CNTN5: variants seen among roughly 807,000 people sequenced by gnomAD.
CNTN5 encodes contactin 5, also known as contactin-5.
In CNTN5, 77 loss-of-function variants were observed where a neutral mutation model predicts 129.1. That is an observed-to-expected ratio of 0.60 (90% CI 0.50 to 0.72). The LOEUF is 0.72. Among genes scored for constraint, CNTN5 ranks in the 30% least tolerant of loss-of-function variants. The probability of loss-of-function intolerance (pLI) is 0.00; values close to 1 mark genes in which losing one functional copy is unlikely to be tolerated. For missense variants in CNTN5, 1,478 were observed against 1,328.8 expected (o/e 1.11, Z -1.75); for synonymous variants, 509 against 465.6 (o/e 1.09, Z -1.20).
In CNTN5 at chr11:100,186,390, T is replaced by C. The variant is rs1473867715; in HGVS notation, c.1581-4736T>C. ...ACCTTGTCTCAAAAATAAATAAAAA[T>C]ATAATGAAATAACAAATATAGGGTC... is the stretch of plus-strand genomic sequence containing the variant. On this transcript the variant is annotated intron_variant, in intron 13 of 24. Coordinates refer to ENST00000524871, the MANE Select transcript of CNTN5 (RefSeq NM_014361.4). Among the ~76,000 whole-genome samples, 3 of 151,926 alleles carry C rather than the reference T, an allele frequency of 2.0e-5. No homozygotes were observed. In the East Asian group the frequency reaches 5.8e-4, roughly 30 times the overall value.
chr11:100,045,215 G>T (rs1942604996), intron 9 of CNTN5, among the ~76,000 whole-genome samples: 1 of 152,000 alleles, frequency 6.6e-6, no homozygotes. Context: ...AAATAAAGTA[G>T]CTTAAAATGG....
rs144840329 is a variant in CNTN5, at chr11:99,924,839, C to T, written c.673+8690C>T. On this transcript the variant is annotated intron_variant, in intron 7 of 24. Coordinates refer to ENST00000524871, the MANE Select transcript of CNTN5 (RefSeq NM_014361.4). ...ACATTATTTTTGAACAGTTTCAATGCAGTTGTTTTTGGTGATTAATGAATC... is the reference window on the plus strand; with the variant it reads ...ACATTATTTTTGAACAGTTTCAATGTAGTTGTTTTTGGTGATTAATGAATC... Among the ~76,000 whole-genome samples the T allele has an allele frequency of 1.2e-4, 18 of 152,080 alleles. No individual in the cohort carries two copies. The East Asian group carries it at 3.1e-3, about 26-fold the overall frequency.
intron 2 of CNTN5, among the ~76,000 whole-genome samples, chr11:99,541,944 G>A (rs566163874): frequency 7.7e-6 from 1 of 130,622 alleles, no homozygotes; most frequent in Admixed American, 8.1e-5. Context: ...GTGACAGAGG[G>A]AGATCTTGTC....
At chr11:100,044,722 G>C (rs1409272941) in intron 9 of CNTN5, among the ~76,000 whole-genome samples, 1 of 151,692 alleles carries the variant, frequency 6.6e-6, no homozygotes, top group African/African-American at 2.4e-5. Flanking sequence ...GTATATTCTG[G>C]ATATCAGCCC....
Position 99,978,444 on chromosome 11 carries a change from C to T in CNTN5, c.877+21435C>T, listed in dbSNP as rs541325480. ...TTCACATCCGCTCACCACTCACTCA[C>T]TGGCTCACCCAGAGCAACGTCTGGT... On this transcript the variant is annotated intron_variant, in intron 8 of 24. Transcript: ENST00000524871. Among the ~76,000 whole-genome samples, 29 of 152,334 alleles carry T rather than the reference C, an allele frequency of 1.9e-4. No individual in the cohort carries two copies. In the South Asian group the frequency reaches 5.4e-3, roughly 28 times the overall value.
At chr11:99,242,544 CT>C (rs1460044685) in intron 1 of CNTN5, among the ~76,000 whole-genome samples, 11 of 151,978 alleles carry the variant, frequency 7.2e-5, no homozygotes, top group African/African-American at 2.4e-4. Flanking sequence ...CCTAGGTACA[CT>C]GCATGTCGCT....
chr11:99,422,310 T>C (rs1481315453), intron 2 of CNTN5, among the ~76,000 whole-genome samples: 1 of 151,886 alleles, frequency 6.6e-6, no homozygotes, highest in Non-Finnish European at 1.5e-5. Context: ...TTTTTAAGCA[T>C]TTGATTAGTA....
At chr11:100,303,563 T>G (rs1428623441) in intron 20 of CNTN5, among the ~76,000 whole-genome samples, 2 of 13,222 alleles carry the variant, frequency 1.5e-4, no homozygotes, top group East Asian at 4.2e-3. Flanking sequence ...TTACTTGTGA[T>G]GCGCTTTATC....
At chr11:99,428,874 G>C (rs75690790) in intron 2 of CNTN5, among the ~76,000 whole-genome samples, 3 of 151,930 alleles carry the variant, frequency 2.0e-5, no homozygotes, top group African/African-American at 7.2e-5. Flanking sequence ...GAACTTTAAG[G>C]TTCAATAAAT....
intron 1 of CNTN5, among the ~76,000 whole-genome samples, chr11:99,030,841 C>T (rs1863339814): frequency 7.1e-6 from 1 of 140,394 alleles, no homozygotes; most frequent in Non-Finnish European, 1.5e-5. Context: ...AGTGCAGTGG[C>T]GCGATCTCGG....
intron 10 of CNTN5, 25 bp downstream of exon 10, chr11:100,061,418 T>G: frequency 6.6e-7 from 1 of 1,511,866 alleles, no homozygotes. Flanking sequence ...CAAAGCATGA[T>G]TGCTCTAGTC....
At chr11:99,938,674 A>G (rs144873507) in intron 7 of CNTN5, among the ~76,000 whole-genome samples, 1 of 152,226 alleles carries the variant, frequency 6.6e-6, no homozygotes, top group African/African-American at 2.4e-5. Context: ...GATATTCTAA[A>G]CTAATAACAT....
At chr11:99,175,579 C>A (rs935817134) in intron 1 of CNTN5, among the ~76,000 whole-genome samples, 1 of 151,912 alleles carries the variant, frequency 6.6e-6, no homozygotes, top group African/African-American at 2.4e-5. Flanking sequence ...GGGACCAGAC[C>A]CCAGATAATG....
chr11:99,713,336 A>G (rs1268535269), intron 3 of CNTN5, among the ~76,000 whole-genome samples: 1 of 151,974 alleles, frequency 6.6e-6, no homozygotes, highest in Non-Finnish European at 1.5e-5. Context: ...TGATTTTTGC[A>G]CATTGACTTT....
chr11:100,277,689 A>G (rs1336548857), intron 18 of CNTN5, among the ~76,000 whole-genome samples: 5 of 151,684 alleles, frequency 3.3e-5, no homozygotes, highest in Admixed American at 1.3e-4. Context: ...TTCCTACATA[A>G]TTGACTTCTT....
intron 1 of CNTN5, among the ~76,000 whole-genome samples, chr11:99,084,983 C>A (rs1235732290): frequency 2.6e-5 from 4 of 151,862 alleles, no homozygotes; most frequent in African/African-American, 9.7e-5. Context: ...GTTTAATTTT[C>A]ATTTTCACAT....
In CNTN5 at chr11:99,230,334, T is replaced by C. The variant is rs374998333; in HGVS notation, c.-209-95012T>C. Among the ~76,000 whole-genome samples, 69 of 152,286 alleles carry C rather than the reference T, an allele frequency of 4.5e-4. 2 individuals carry two copies. The East Asian group carries it at 0.012, about 27-fold the overall frequency. ...GTGTATATATAGATACAGATTTAGA[T>C]AGCAATCATGAAATCTGACCTTTTG... is the stretch of plus-strand genomic sequence containing the variant. On this transcript the variant is annotated intron_variant, in intron 1 of 24. Coordinates refer to ENST00000524871, the MANE Select transcript of CNTN5 (RefSeq NM_014361.4).
At chr11:99,911,755 AAAAT>A (rs1402544961) in intron 6 of CNTN5, among the ~76,000 whole-genome samples, 2 of 151,858 alleles carry the variant, frequency 1.3e-5, no homozygotes, top group Admixed American at 1.3e-4. Flanking sequence ...AAAAAAAAGA[AAAAT>A]AACTTTCTGA....
At chr11:99,576,449 C>A (rs886147702) in intron 3 of CNTN5, among the ~76,000 whole-genome samples, 6 of 152,016 alleles carry the variant, frequency 3.9e-5, no homozygotes, top group African/African-American at 1.4e-4. Context: ...GACATATAAC[C>A]CTTTTGGTAG....
Sources: gnomAD v4.1 joint callset for allele counts (sites outside exome capture counted in the v4.1 genomes callset) on GRCh38, gnomAD v4.1.1 for gene constraint, MANE v1.5 for transcripts, NCBI Gene and HGNC (gene_info 2026-07-23, HGNC 2026-07-21) for gene names.